TTLL11: variants seen among roughly 807,000 people sequenced by gnomAD.
The protein encoded by TTLL11 is tubulin polyglutamylase TTLL11.
TTLL11 carries 42 observed loss-of-function variants against 51.7 expected under a neutral mutation model. The ratio of observed to expected loss-of-function variants is 0.81; its 90% CI spans 0.64 to 1.05. The LOEUF is 1.05. Among genes scored for constraint, TTLL11 ranks in the 50% least tolerant of loss-of-function variants. The pLI is 0.00. For synonymous variants in TTLL11, 381 were observed against 383.5 expected, an observed-to-expected ratio of 0.99 and a Z score of 0.08; for missense variants, 799 against 940.4, an observed-to-expected ratio of 0.85 and a Z score of 1.97.
intron 6 of TTLL11, among the ~76,000 whole-genome samples, chr9:121,872,442 T>C (rs1250485870): frequency 6.6e-6 from 1 of 152,252 alleles, no homozygotes; most frequent in East Asian, 1.9e-4. Flanking sequence ...CTCCTATTTC[T>C]ATAAGACCTG....
chr9:121,938,521 G>A (rs1228293352), intron 6 of TTLL11, among the ~76,000 whole-genome samples: 1 of 152,142 alleles, frequency 6.6e-6, no homozygotes, highest in African/African-American at 2.4e-5. Flanking sequence ...GAGACCATAT[G>A]TATAACTCAT....
At chr9:121,887,475 A>T (rs1839053841) in intron 6 of TTLL11, among the ~76,000 whole-genome samples, 1 of 152,182 alleles carries the variant, frequency 6.6e-6, no homozygotes, top group Non-Finnish European at 1.5e-5. Flanking sequence ...ACGTTAATCG[A>T]CTTGGGTTGG....
chr9:122,072,475 C>T (rs1288320160), intron 1 of TTLL11, among the ~76,000 whole-genome samples: 1 of 152,100 alleles, frequency 6.6e-6, no homozygotes, highest in African/African-American at 2.4e-5. Flanking sequence ...GAAACCTCGT[C>T]TCTACTAAAA....
intron 2 of TTLL11, among the ~76,000 whole-genome samples, chr9:122,036,679 A>C (rs1844713246): frequency 6.6e-6 from 1 of 152,166 alleles, no homozygotes; most frequent in Non-Finnish European, 1.5e-5. Context: ...AAGCGTTTAC[A>C]CTTGCCTGGG....
At chr9:121,981,231 G>T (rs545196623) in intron 4 of TTLL11, among the ~76,000 whole-genome samples, 1 of 151,944 alleles carries the variant, frequency 6.6e-6, no homozygotes, top group East Asian at 1.9e-4. Flanking sequence ...TCCACTGAGG[G>T]TCTGTTCTTT....
At chr9:121,985,519 T>C (rs914630339) in intron 4 of TTLL11, among the ~76,000 whole-genome samples, 23 of 141,878 alleles carry the variant, frequency 1.6e-4, no homozygotes, top group Admixed American at 2.8e-4. Flanking sequence ...TTTTCTTTTT[T>C]TTTTTTTTTT....
intron 3 of TTLL11, among the ~76,000 whole-genome samples, chr9:121,998,043 C>A (rs1361019409): frequency 6.6e-6 from 1 of 152,184 alleles, no homozygotes; most frequent in East Asian, 1.9e-4. Flanking sequence ...CATAACACTC[C>A]ACTGCTGAGT....
chr9:121,945,395 A>ATGGTAGAT (rs1200354335), intron 6 of TTLL11, among the ~76,000 whole-genome samples: 1 of 152,214 alleles, frequency 6.6e-6, no homozygotes, highest in Non-Finnish European at 1.5e-5. Flanking sequence ...AAGGGCAGGA[A>ATGGTAGAT]TGGTAGATTG....
chr9:121,974,289 T>C (rs966818240), intron 5 of TTLL11, among the ~76,000 whole-genome samples, 165 bp from the exon 6 acceptor site: 1 of 152,202 alleles, frequency 6.6e-6, no homozygotes, highest in Non-Finnish European at 1.5e-5. Context: ...TCGATTTCCT[T>C]TTATAAATTA....
At chr9:122,003,769 G>T (rs1041389397) in intron 3 of TTLL11, among the ~76,000 whole-genome samples, 1 of 151,072 alleles carries the variant, frequency 6.6e-6, no homozygotes, top group African/African-American at 2.4e-5. Flanking sequence ...ACAGGCATGA[G>T]CCACCGCACC....
At chr9:122,078,470 A>G (rs1182370415) in intron 1 of TTLL11, among the ~76,000 whole-genome samples, 2 of 152,190 alleles carry the variant, frequency 1.3e-5, no homozygotes, top group Non-Finnish European at 2.9e-5. Context: ...AAACATGAAC[A>G]AAGGTCAAGA....
At chr9:122,055,238 TAGATA>T (rs1001621429) in intron 1 of TTLL11, among the ~76,000 whole-genome samples, 47 of 145,134 alleles carry the variant, frequency 3.2e-4, no homozygotes, top group Non-Finnish European at 6.4e-4. Context: ...GATAGATAGA[TAGATA>T]AAGGGGAGTT....
intron 6 of TTLL11, among the ~76,000 whole-genome samples, chr9:121,941,334 TG>T (rs1841457552): frequency 6.6e-6 from 1 of 152,196 alleles, no homozygotes; most frequent in Non-Finnish European, 1.5e-5. Context: ...TTTCCACTGG[TG>T]GACTCACCTT....
At chr9:121,867,061 C>T (rs1189275475) in intron 7 of TTLL11, among the ~76,000 whole-genome samples, 1 of 152,184 alleles carries the variant, frequency 6.6e-6, no homozygotes, top group Non-Finnish European at 1.5e-5. Context: ...AATCTGAGAG[C>T]ATTTTAGGAA....
intron 6 of TTLL11, among the ~76,000 whole-genome samples, chr9:121,900,917 T>C (rs1386681738): frequency 6.6e-6 from 1 of 152,134 alleles, no homozygotes; most frequent in Non-Finnish European, 1.5e-5. Context: ...CAAGTGGTCC[T>C]CCCGCCTCAG....
intron 6 of TTLL11, among the ~76,000 whole-genome samples, chr9:121,897,641 C>CACACACGCGT (rs1564294374): frequency 6.3e-4 from 34 of 53,650 alleles, no homozygotes; most frequent in African/African-American, 1.6e-3. Flanking sequence ...CACACACACA[C>CACACACGCGT]GCGCGCGCGA....
intron 1 of TTLL11, among the ~76,000 whole-genome samples, chr9:122,087,322 G>T (rs1564392561): frequency 1.3e-5 from 2 of 151,988 alleles, no homozygotes; most frequent in Non-Finnish European, 2.9e-5. Context: ...CAATTCTCGT[G>T]CCTCAGCCTC....
intron 6 of TTLL11, among the ~76,000 whole-genome samples, chr9:121,947,836 T>C (rs959557274): frequency 6.6e-6 from 1 of 152,172 alleles, no homozygotes; most frequent in Non-Finnish European, 1.5e-5. Flanking sequence ...CTTTAAGTGG[T>C]CCCCACTGAA....
chr9:122,092,613 G>A, intron 1 of TTLL11, 74 bp downstream of exon 1: 4 of 1,526,684 alleles, frequency 2.6e-6, no homozygotes, highest in Non-Finnish European at 3.5e-6. Flanking sequence ...ACCTGACCTG[G>A]GCCGTGCCGA....
Sources: gnomAD v4.1 joint callset for allele counts (sites outside exome capture counted in the v4.1 genomes callset) on GRCh38, gnomAD v4.1.1 for gene constraint, MANE v1.5 for transcripts, NCBI Gene and HGNC (gene_info 2026-07-23, HGNC 2026-07-21) for gene names.